The following ZNF225 variants were observed in gnomAD, a reference collection of about 807,000 sequenced individuals.
The protein encoded by ZNF225 is zinc finger protein 225.
A neutral mutation model predicts 12.0 loss-of-function variants in ZNF225; 6 were observed. The observed-to-expected ratio is 0.50, with a 90% CI of 0.27 to 0.98. The LOEUF (loss-of-function observed/expected upper bound fraction) is 0.98. Among genes scored for constraint, ZNF225 ranks in the 50% least tolerant of loss-of-function variants. ZNF225 has a pLI of 0.11. For synonymous variants in ZNF225, 271 were observed against 283.2 expected (o/e 0.96, Z 0.43); for missense variants, 763 against 848.2 (o/e 0.90, Z 1.25).
chr19:44,114,445 G>A (rs192171813), intron 1 of ZNF225, among the ~76,000 whole-genome samples: 1 of 152,252 alleles, frequency 6.6e-6, no homozygotes, highest in Admixed American at 6.5e-5. Flanking sequence ...TTTTTCTGAT[G>A]TATTTCACGT....
Position 44,132,915 on chromosome 19 carries a change from C to T in ZNF225, c.*180C>T. ...AATAATACGTTGTTAATTACTGTCACCCTGTAGTGGTGTAAAACACTAGAA... is the reference window on the plus strand; with the variant it reads ...AATAATACGTTGTTAATTACTGTCATCCTGTAGTGGTGTAAAACACTAGAA... On this transcript the variant is annotated 3_prime_UTR_variant, in exon 5 of 5. Transcript: ENST00000262894. The T allele has an allele frequency of 1.8e-6, 1 of 570,016 alleles. No individual in the cohort carries two copies. The highest frequency in any genetic ancestry group is 2.9e-6 in the Non-Finnish European group (1 of 342,258). 35.3% of individuals were successfully genotyped at this position (570,016 alleles called of 1,614,324 possible). A position where few individuals can be genotyped will look rare whatever the true frequency, so the allele number is the denominator to read the frequency against.
At chr19:44,116,845 T>C (rs946808280) in intron 2 of ZNF225, among the ~76,000 whole-genome samples, 3 of 152,138 alleles carry the variant, frequency 2.0e-5, no homozygotes, top group African/African-American at 7.2e-5. Flanking sequence ...CTTGAAAGAT[T>C]AGGGTTTGGT....
chr19:44,131,277 T>G lies in ZNF225; in HGVS notation c.663T>G (p.Ile221Met), dbSNP rs1968251438. ...TCAATCAGAGCTCACATCTGCAAAT[T>G]CATCAGAGAATCCACACTGGAGAGA... is the stretch of plus-strand genomic sequence containing the variant. Reference protein sequence around the residue: ...KEFNQSSHLQIHQRIHTGEKP... With the variant: ...KEFNQSSHLQMHQRIHTGEKP... Residue 221 changes from isoleucine to methionine, a missense_variant, in exon 5 of 5, where the codon ATT becomes ATG. Physicochemically the swap from Ile to Met is conservative, Grantham distance 10 (BLOSUM62 1). Coordinates refer to ENST00000262894, the MANE Select transcript of ZNF225 (RefSeq NM_013362.4). The G allele has an allele frequency of 6.2e-7, 1 of 1,614,216 alleles. No individual in the cohort carries two copies.
chr19:44,132,808 T>A lies in ZNF225; in HGVS notation c.*73T>A. On this transcript the variant is annotated 3_prime_UTR_variant, in exon 5 of 5. Transcript: ENST00000262894. ...ACAATGTGTAATGATCAAATCAGTGTAATTAACATACCTATCACCTCAAAC... is the reference window on the plus strand; with the variant it reads ...ACAATGTGTAATGATCAAATCAGTGAAATTAACATACCTATCACCTCAAAC... 1 of 1,237,108 alleles carries A rather than the reference T, an allele frequency of 8.1e-7. No homozygotes were observed. Among genetic ancestry groups the A allele is most frequent in the Non-Finnish European group, 1.1e-6 (1 of 907,628 alleles). 76.6% of individuals were successfully genotyped at this position (1,237,108 alleles called of 1,614,324 possible).
At chr19:44,112,580 G>A (rs1967854473), upstream of ZNF225, among the ~76,000 whole-genome samples, 1 of 152,008 alleles carries the variant, frequency 6.6e-6, no homozygotes, top group Non-Finnish European at 1.5e-5. Flanking sequence ...TTTGCATAGC[G>A]AAAAACAAGT....
Position 44,118,523 on chromosome 19 carries a change from G to C in ZNF225, c.184G>C (p.Glu62Gln). 6.2e-7 allele frequency: 1 copy of C among 1,613,032 alleles called. No individual in the cohort carries two copies. The highest frequency in any genetic ancestry group is 1.3e-5 in the African/African-American group (1 of 75,018). The stretch of plus-strand genomic sequence containing the variant: ...CAGAGATACTTTCCACTTCCTAAAG[G>C]AAGAAAAGTTTTGGATGATGGAGAC... ...LHRDTFHFLK[E>Q]EKFWMMETAT... The change falls in exon 4 of 5, where the codon GAA (glutamate) becomes CAA (glutamine). Residue 62 changes from glutamate to glutamine, a missense_variant. Physicochemically the swap from Glu to Gln is conservative, Grantham distance 29. Coordinates refer to ENST00000262894, the MANE Select transcript of ZNF225 (RefSeq NM_013362.4).
chr19:44,130,063 T>C (rs2147573731), intron 4 of ZNF225: 1 of 152,342 alleles, frequency 6.6e-6, no homozygotes, highest in South Asian at 2.1e-4. Flanking sequence ...CGTGGTGTGG[T>C]TCTGAATTGG....
At chr19:44,116,417 C>A (rs1967943206) in intron 2 of ZNF225, among the ~76,000 whole-genome samples, 1 of 152,188 alleles carries the variant, frequency 6.6e-6, no homozygotes, top group South Asian at 2.1e-4. Context: ...CCTGACATGA[C>A]ACCTACTCAG....
rs746356897 is a variant in ZNF225 at position 44,130,939 on chromosome 19, A to C, written c.325A>C (p.Ser109Arg). ...FSHQTWEQISSDLTRFQDSMV... is the reference protein window; with the variant it reads ...FSHQTWEQISRDLTRFQDSMV... ...TCATCAAACCTGGGAACAAATTTCA[A>C]GTGACTTAACCAGGTTTCAAGACTC... Residue 109 changes from serine (S) to arginine (R), a missense_variant, in exon 5 of 5, where the codon AGT becomes CGT. By Grantham distance (110) the Ser-to-Arg change is moderately radical. Transcript: ENST00000262894. The C allele has an allele frequency of 8.7e-6, 14 of 1,614,144 alleles. No homozygotes were observed. In the South Asian group the frequency reaches 1.5e-4, roughly 18 times the overall value.
At position 44,131,530 on chromosome 19, in the gene ZNF225, C is replaced by T; in HGVS notation, c.916C>T (p.His306Tyr). 1 of 1,614,194 alleles carries T rather than the reference C, an allele frequency of 6.2e-7. No individual in the cohort carries two copies. Among genetic ancestry groups the T allele is most frequent in the Non-Finnish European group, 8.5e-7 (1 of 1,180,012 alleles). ...CCGTAGTAGAGCAAATCTTAATAGG[C>T]ATTCCATGGTTCACATGCGAGAGAA... ...SFRSRANLNR[H>Y]SMVHMREKPF... Residue 306 changes from histidine to tyrosine, a missense_variant, in exon 5 of 5, where the codon CAT (histidine) becomes TAT (tyrosine). By Grantham distance (83) the His-to-Tyr change is moderately conservative. Transcript: ENST00000262894.
intron 4 of ZNF225, among the ~76,000 whole-genome samples, chr19:44,120,979 C>T (rs1037871223): frequency 1.3e-5 from 2 of 152,048 alleles, no homozygotes; most frequent in South Asian, 4.1e-4. Flanking sequence ...TCACTGCAGG[C>T]TCCGCCTCCC....
chr19:44,122,425 T>C (rs1968073279), intron 4 of ZNF225, among the ~76,000 whole-genome samples: 1 of 152,214 alleles, frequency 6.6e-6, no homozygotes, highest in African/African-American at 2.4e-5. Flanking sequence ...TGAAATCAGT[T>C]AGTGTGATGC....
At chr19:44,113,353 C>T (rs1006088223), upstream of ZNF225, 8 of 151,830 alleles carry the variant, frequency 5.3e-5, no homozygotes, top group East Asian at 3.9e-4. Flanking sequence ...GGGGTCGTCG[C>T]GGTCAGTTTG....
At chr19:44,123,125 G>C (rs142363327) in intron 4 of ZNF225, among the ~76,000 whole-genome samples, 6,758 of 152,252 alleles carry the variant, frequency 0.044, 185 homozygotes, top group South Asian at 0.07. Context: ...TATGTTTGCT[G>C]TGGGTTTGTC....
intron 4 of ZNF225, among the ~76,000 whole-genome samples, chr19:44,121,650 A>G (rs1433095522): frequency 6.6e-6 from 1 of 152,204 alleles, no homozygotes; most frequent in Non-Finnish European, 1.5e-5. Flanking sequence ...CATCCATGCC[A>G]ACATCTACTG....
intron 4 of ZNF225, among the ~76,000 whole-genome samples, chr19:44,123,458 T>C (rs1968090864): frequency 1.3e-5 from 2 of 152,184 alleles, no homozygotes; most frequent in African/African-American, 4.8e-5. Flanking sequence ...GTTTTCTTTT[T>C]TGATTATGTT....
Position 44,132,541 on chromosome 19 carries a change from CAG to C in ZNF225, c.1931_1932del (p.Arg644ThrfsTer4), listed in dbSNP as rs1442455286. ...ATGGGCCTCAACTCATCTAACCCAT[CAG>C]AGACTCCACAGTAGAGAAAAACTAC... ...FRWASTHLTH[Q>X]RLHSREKLLQ... On this transcript the variant is annotated frameshift_variant, in exon 5 of 5. Coordinates refer to ENST00000262894, the MANE Select transcript of ZNF225 (RefSeq NM_013362.4). LOFTEE classifies it low-confidence loss of function (END_TRUNC). The C allele has an allele frequency of 1.2e-6, 2 of 1,613,992 alleles. No individual in the cohort carries two copies. Among genetic ancestry groups the C allele is most frequent in the African/African-American group, 1.3e-5 (1 of 74,918 alleles).
chr19:44,130,871 T>C lies in ZNF225; in HGVS notation c.257T>C (p.Met86Thr), dbSNP rs201658670. 4.6e-5 allele frequency: 74 copies of C among 1,612,820 alleles called. No individual in the cohort carries two copies. In the African/African-American group the frequency reaches 9.6e-4, roughly 21 times the overall value. Residue 86 changes from methionine to threonine, a missense_variant, in exon 5 of 5, where the codon ATG (methionine) becomes ACG (threonine). Transcript: ENST00000262894. ...GNLGGKIQME[M>T]ETVSESGTHE... Reference sequence around the variant, plus strand: ...ATAGGAGGCAAGATCCAAATGGAGATGGAGACTGTTTCAGAATCAGGAACA... The same window carrying C: ...ATAGGAGGCAAGATCCAAATGGAGACGGAGACTGTTTCAGAATCAGGAACA...
At chr19:44,123,825 G>A (rs1968098385) in intron 4 of ZNF225, among the ~76,000 whole-genome samples, 1 of 152,084 alleles carries the variant, frequency 6.6e-6, no homozygotes, top group African/African-American at 2.4e-5. Flanking sequence ...TTGCAGTGGT[G>A]TCAGTTGTAA....
Sources: gnomAD v4.1 joint callset for allele counts (sites outside exome capture counted in the v4.1 genomes callset) on GRCh38, gnomAD v4.1.1 for gene constraint, MANE v1.5 for transcripts, NCBI Gene and HGNC (gene_info 2026-07-23, HGNC 2026-07-21) for gene names.